ZNF423: variants seen among roughly 807,000 people sequenced by gnomAD.
ZNF423 encodes Ebf-associated zinc finger protein.
Under a neutral mutation model 95.8 loss-of-function variants are expected in ZNF423, and 12 were observed. That is an observed-to-expected ratio of 0.13 (90% CI 0.08 to 0.20). The LOEUF (loss-of-function observed/expected upper bound fraction) is 0.20, where lower values mean the gene tolerates loss of function less well. Ranked by LOEUF, ZNF423 falls within the 10% of genes least tolerant of loss-of-function variation. The probability of loss-of-function intolerance (pLI) is 1.00; values close to 1 mark genes in which losing one functional copy is unlikely to be tolerated. For synonymous variants in ZNF423, 749 were observed against 711.9 expected (o/e 1.05, Z -0.83); for missense variants, 1,316 against 1,737.1 (o/e 0.76, Z 4.31).
chr16:49,668,674 A>T (rs2030656580), intron 3 of ZNF423, among the ~76,000 whole-genome samples: 1 of 152,080 alleles, frequency 6.6e-6, no homozygotes, highest in Admixed American at 6.6e-5. Flanking sequence ...AGGGAGTAGG[A>T]CCTGGGGAAA....
intron 3 of ZNF423, among the ~76,000 whole-genome samples, chr16:49,714,378 C>T (rs1325940032): frequency 6.6e-6 from 1 of 152,164 alleles, no homozygotes; most frequent in African/African-American, 2.4e-5. Flanking sequence ...CTGATGGGGC[C>T]AGGTGCGGTG....
rs576162223 is a variant in ZNF423 at position 49,661,631 on chromosome 16, C to T, written c.302-22757G>A. Among the ~76,000 whole-genome samples the T allele has an allele frequency of 2.6e-5, 4 of 152,352 alleles. No homozygotes were observed. The East Asian group carries it at 7.7e-4, about 29-fold the overall frequency. On this transcript the variant is annotated intron_variant, in intron 3 of 7. Coordinates refer to ENST00000563137, the MANE Select transcript of ZNF423 (RefSeq NM_001379286.1). ...CCCGCTCATCTTGGGAAACACCTCG[C>T]ATCCACTCACTCAATCAGCCAGCGA...
intron 5 of ZNF423, among the ~76,000 whole-genome samples, chr16:49,558,813 G>A (rs1400118618): frequency 6.6e-6 from 1 of 152,218 alleles, no homozygotes; most frequent in Admixed American, 6.5e-5. Context: ...CTCCAGCTGA[G>A]AAATTACTAG....
At chr16:49,587,925 C>T (rs1347726511) in intron 5 of ZNF423, among the ~76,000 whole-genome samples, 1 of 152,174 alleles carries the variant, frequency 6.6e-6, no homozygotes, top group East Asian at 1.9e-4. Context: ...CCTATCTTCA[C>T]ATATCTATTC....
intron 5 of ZNF423, among the ~76,000 whole-genome samples, chr16:49,593,705 G>A (rs1227593345): frequency 1.3e-5 from 2 of 152,184 alleles, no homozygotes; most frequent in East Asian, 3.9e-4. Context: ...ACAGAGAAGG[G>A]AGAATGGCCT....
chr16:49,841,904 A>G (rs746050307), intron 1 of ZNF423, among the ~76,000 whole-genome samples: 1 of 152,146 alleles, frequency 6.6e-6, no homozygotes, highest in Non-Finnish European at 1.5e-5. Flanking sequence ...AGAAATGCCC[A>G]TATCTCCAAG....
chr16:49,761,573 T>C (rs1346426875), intron 2 of ZNF423, among the ~76,000 whole-genome samples: 1 of 152,132 alleles, frequency 6.6e-6, no homozygotes, highest in East Asian at 1.9e-4. Context: ...ACAGGAGCCA[T>C]AAAAACCACC....
At chr16:49,507,022 T>C (rs940959911) in intron 7 of ZNF423, among the ~76,000 whole-genome samples, 4 of 152,078 alleles carry the variant, frequency 2.6e-5, no homozygotes, top group Non-Finnish European at 5.9e-5. Flanking sequence ...GATGAGTTGA[T>C]GAGAAGACAA....
In ZNF423 at chr16:49,688,998, T is replaced by C. The variant is rs1034002532; in HGVS notation, c.301+41773A>G. On this transcript the variant is annotated intron_variant, in intron 3 of 7. Transcript: ENST00000563137. ...CACTACCCTGGCTCCCGAGACAGCA[T>C]ACCAGGCACCTCAGGAGATCTTGGC... 2.0e-5 allele frequency among the ~76,000 whole-genome samples: 3 copies of C among 152,176 alleles called. No individual in the cohort carries two copies. In the East Asian group the frequency reaches 5.8e-4, roughly 29 times the overall value.
At chr16:49,763,870 C>T (rs1363642318) in intron 2 of ZNF423, among the ~76,000 whole-genome samples, 2 of 152,170 alleles carry the variant, frequency 1.3e-5, no homozygotes, top group East Asian at 3.9e-4. Flanking sequence ...TCCTTCCCAC[C>T]ATTTGCTGGG....
At chr16:49,827,551 T>C (rs1453953076) in intron 1 of ZNF423, among the ~76,000 whole-genome samples, 1 of 152,092 alleles carries the variant, frequency 6.6e-6, no homozygotes, top group Non-Finnish European at 1.5e-5. Context: ...GGTCTCATTC[T>C]ATCTCCCAGG....
chr16:49,780,916 G>C (rs941663649), intron 2 of ZNF423, among the ~76,000 whole-genome samples: 2 of 152,220 alleles, frequency 1.3e-5, no homozygotes, highest in Non-Finnish European at 2.9e-5. Context: ...TCCTCATCAA[G>C]AAGATGATTG....
At chr16:49,581,807 T>A (rs1970684794) in intron 5 of ZNF423, among the ~76,000 whole-genome samples, 1 of 152,168 alleles carries the variant, frequency 6.6e-6, no homozygotes. Context: ...GCTCGAGGAA[T>A]GCCAGCCACT....
At chr16:49,529,059 T>G (rs2151716083) in intron 5 of ZNF423, among the ~76,000 whole-genome samples, 1 of 151,708 alleles carries the variant, frequency 6.6e-6, no homozygotes, top group African/African-American at 2.4e-5. Flanking sequence ...TGCAGGCCCC[T>G]CCACCCCAGC....
At chr16:49,842,298 G>GGAGGGGAGGGGAGGGGAGGC (rs2035192966) in intron 1 of ZNF423, among the ~76,000 whole-genome samples, 1 of 26,230 alleles carries the variant, frequency 3.8e-5, no homozygotes, top group Non-Finnish European at 7.2e-5. Context: ...GGAGGGGAGG[G>GGAGGGGAGGGGAGGGGAGGC]GAGGGGAGGC....
At chr16:49,788,118 C>T (rs1477938108) in intron 2 of ZNF423, among the ~76,000 whole-genome samples, 1 of 152,212 alleles carries the variant, frequency 6.6e-6, no homozygotes, top group Non-Finnish European at 1.5e-5. Flanking sequence ...AGAATTTGAG[C>T]ACCACTTACC....
chr16:49,651,194 T>TC (rs71855776), intron 3 of ZNF423, among the ~76,000 whole-genome samples: 1 of 37,038 alleles, frequency 2.7e-5, no homozygotes, highest in Non-Finnish European at 5.1e-5. Context: ...CTAATTTTAA[T>TC]TTTTTTTTTT....
At chr16:49,517,081 A>G (rs1218152180) in intron 7 of ZNF423, among the ~76,000 whole-genome samples, 1 of 152,222 alleles carries the variant, frequency 6.6e-6, no homozygotes, top group Non-Finnish European at 1.5e-5. Context: ...TAAAAGCCAG[A>G]AAGAGGCAGA....
At chr16:49,826,523 G>A (rs899635803) in intron 1 of ZNF423, among the ~76,000 whole-genome samples, 2 of 152,166 alleles carry the variant, frequency 1.3e-5, no homozygotes, top group South Asian at 2.1e-4. Flanking sequence ...GTGTGATTGG[G>A]GAAGGTCATT....
Sources: gnomAD v4.1 joint callset for allele counts (sites outside exome capture counted in the v4.1 genomes callset) on GRCh38, gnomAD v4.1.1 for gene constraint, MANE v1.5 for transcripts, NCBI Gene and HGNC (gene_info 2026-07-23, HGNC 2026-07-21) for gene names.